CPNE9: variants seen among roughly 807,000 people sequenced by gnomAD.
The protein encoded by CPNE9 is copine-9.
Under a neutral mutation model 83.0 loss-of-function variants are expected in CPNE9, and 59 were observed. The ratio of observed to expected loss-of-function variants is 0.71; its 90% CI spans 0.58 to 0.88. The LOEUF (loss-of-function observed/expected upper bound fraction) is 0.88, where lower values mean the gene tolerates loss of function less well. CPNE9 is among the 40% of genes least tolerant of loss of function. The pLI is 0.00. For missense variants in CPNE9, 619 were observed against 720.8 expected, an observed-to-expected ratio of 0.86 and a Z score of 1.62; for synonymous variants, 256 against 273.4, an observed-to-expected ratio of 0.94 and a Z score of 0.63.
intron 7 of CPNE9, among the ~76,000 whole-genome samples, chr3:9,708,802 T>G (rs2076589710): frequency 6.6e-6 from 1 of 151,736 alleles, no homozygotes; most frequent in East Asian, 2.0e-4. Flanking sequence ...CCGGCTAATT[T>G]TTTTTGTATT....
At chr3:9,716,614 G>C (rs952505943) in intron 14 of CPNE9, among the ~76,000 whole-genome samples, 2 of 152,142 alleles carry the variant, frequency 1.3e-5, no homozygotes, top group African/African-American at 4.8e-5. Flanking sequence ...GGGATTACAG[G>C]CATGCGCCAC....
chr3:9,705,909 T>G, intron 6 of CPNE9, 78 bp from the exon 7 acceptor site: 1 of 1,505,474 alleles, frequency 6.6e-7, no homozygotes, highest in Admixed American at 1.7e-5. Context: ...CCTGGTCCTG[T>G]GCAGGAGCAT....
intron 17 of CPNE9, among the ~76,000 whole-genome samples, chr3:9,720,877 C>A (rs1480690537): frequency 1.3e-5 from 2 of 152,216 alleles, no homozygotes; most frequent in African/African-American, 4.8e-5. Flanking sequence ...GGTTCTATCA[C>A]TCACTAGCTG....
rs182637786 is a variant in CPNE9, at chr3:9,713,765, G to A, written c.650+686G>A. ...AGGCCAACCAAATGAATGAGTAAAT[G>A]GGTAGTATAAAGACAGATGGTAGGG... On this transcript the variant is annotated intron_variant, in intron 10 of 20. Coordinates refer to ENST00000383832, the MANE Select transcript of CPNE9 (RefSeq NM_153635.3). Among the ~76,000 whole-genome samples, 268 of 152,196 alleles carry A rather than the reference G, an allele frequency of 1.8e-3. 3 individuals carry two copies. Among genetic ancestry groups the A allele is most frequent in the Admixed American group, 9.4e-3 (143 of 15,276 alleles).
Position 9,718,060 on chromosome 3 carries a change from C to T in CPNE9, c.963C>T (p.Tyr321=). 6.2e-7 allele frequency: 1 copy of T among 1,613,854 alleles called. No homozygotes were observed. The highest frequency in any genetic ancestry group is 8.5e-7 in the Non-Finnish European group (1 of 1,179,838). Reference sequence around the variant, plus strand: ...CTCTGCAGCCTACCTCCCTGCACTACATGAGTCCCTACCAGCTCAGCGCCT... The same window carrying T: ...CTCTGCAGCCTACCTCCCTGCACTATATGAGTCCCTACCAGCTCAGCGCCT... ...GNPLQPTSLH[Y]MSPYQLSAYA... is the part of the protein sequence containing the mutation. The change falls in exon 16 of 21, where the codon TAC becomes TAT. Residue 321 remains tyrosine, a synonymous_variant. Transcript: ENST00000383832.
intron 19 of CPNE9, 38 bp from the exon 20 acceptor site, chr3:9,727,075 G>A (rs2076791023): frequency 6.2e-7 from 1 of 1,612,146 alleles, no homozygotes. Flanking sequence ...GGTGGGGCTG[G>A]AGAGGCCAAT....
chr3:9,721,876 A>T (rs968245884), intron 17 of CPNE9, among the ~76,000 whole-genome samples: 2 of 151,874 alleles, frequency 1.3e-5, no homozygotes, highest in Non-Finnish European at 2.9e-5. Flanking sequence ...AATGTCTCTA[A>T]GCTTCAGGTT....
At position 9,726,030 on chromosome 3, in the gene CPNE9, G is replaced by A; in HGVS notation, c.1323G>A (p.Gln441=). Reference sequence around the variant, plus strand: ...ATGGGGTCATCTCTGACATGACGCAGACCAAGGAGGCCATCGTCAGCGTGA... The same window carrying A: ...ATGGGGTCATCTCTGACATGACGCAAACCAAGGAGGCCATCGTCAGCGTGA... ...ITDGVISDMT[Q]TKEAIVSASS... is the part of the protein sequence containing the mutation. The change falls in exon 18 of 21, where the codon CAG becomes CAA. Residue 441 remains glutamine (Q), a synonymous_variant. Coordinates refer to ENST00000383832, the MANE Select transcript of CPNE9 (RefSeq NM_153635.3). 6.2e-7 allele frequency: 1 copy of A among 1,606,618 alleles called. No homozygotes were observed. Among genetic ancestry groups the A allele is most frequent in the East Asian group, 2.3e-5 (1 of 43,996 alleles).
chr3:9,712,986 G>T lies in CPNE9; in HGVS notation c.557G>T (p.Cys186Phe). The change falls in exon 10 of 21, where the codon TGC becomes TTC. Residue 186 changes from cysteine to phenylalanine, a missense_variant. Around this residue, in one of 3 missense-constraint regions of CPNE9, gnomAD observed 438 missense variants for 562.9 expected, o/e 0.78. Coordinates refer to ENST00000383832, the MANE Select transcript of CPNE9 (RefSeq NM_153635.3). Reference protein sequence around the residue: ...RSNEDGTFTICHKTEVVKNTL... With the variant: ...RSNEDGTFTIFHKTEVVKNTL... The stretch of plus-strand genomic sequence containing the variant: ...CCACTCCCCTCCAGGTTCACCATCT[G>T]CCACAAGACAGAGGTTGTGAAAAAC... 1 of 1,614,106 alleles carries T rather than the reference G, an allele frequency of 6.2e-7. No homozygotes were observed. The highest frequency in any genetic ancestry group is 8.5e-7 in the Non-Finnish European group (1 of 1,179,964).
At chr3:9,715,900 C>A in intron 13 of CPNE9, 74 bp from the exon 14 acceptor site, 1 of 1,065,566 alleles carries the variant, frequency 9.4e-7, no homozygotes, top group East Asian at 2.6e-5. Context: ...TTCCAAGCCC[C>A]TATGGGCCTC....
chr3:9,717,445 A>C (rs146044022), intron 15 of CPNE9, among the ~76,000 whole-genome samples: 146 of 152,268 alleles, frequency 9.6e-4, no homozygotes, highest in Admixed American at 3.3e-3. Context: ...TGAGTATAAT[A>C]GGTTAGACAA....
In CPNE9 at chr3:9,704,831, G is replaced by T. The variant is rs1368625001; in HGVS notation, c.156+36G>T. The T allele has an allele frequency of 1.9e-6, 3 of 1,599,822 alleles. No homozygotes were observed. The African/African-American group carries it at 4.0e-5, about 21-fold the overall frequency. On this transcript the variant is annotated intron_variant, in intron 3 of 20. Coordinates refer to ENST00000383832, the MANE Select transcript of CPNE9 (RefSeq NM_153635.3). The surrounding 1 kb of genome is among the most constrained non-coding windows in gnomAD (Gnocchi z 7.1). ...GAGCCCCCTCCCGGCCCAGGGCGTC[G>T]CCCGGGAATTCCCCTGCCCGTCTGC...
chr3:9,719,163 TA>T (rs1259338511), intron 17 of CPNE9, among the ~76,000 whole-genome samples: 4 of 151,938 alleles, frequency 2.6e-5, no homozygotes, highest in African/African-American at 7.3e-5. Flanking sequence ...ATATTTAAAT[TA>T]AAAAAATTAA....
In CPNE9 at chr3:9,712,457, C is replaced by T. The variant is rs574071593; in HGVS notation, c.378-84C>T. 5.3e-5 allele frequency: 58 copies of T among 1,088,870 alleles called. No homozygotes were observed. The East Asian group carries it at 1.3e-3, about 25-fold the overall frequency. The allele number at this position is 1,088,870 out of a possible 1,614,324, so 67.5% of individuals were successfully genotyped here. A position where few individuals can be genotyped will look rare whatever the true frequency, so the allele number is the denominator to read the frequency against. ...GTCAGTAAATGGCAAACTGAATCCCCTGGCCCACCTAACCCCAGACTGGCC... is the reference window on the plus strand; with the variant it reads ...GTCAGTAAATGGCAAACTGAATCCCTTGGCCCACCTAACCCCAGACTGGCC... On this transcript the variant is annotated intron_variant, in intron 7 of 20. Transcript: ENST00000383832.
chr3:9,725,460 G>C (rs1202912024), intron 17 of CPNE9, among the ~76,000 whole-genome samples: 1 of 151,330 alleles, frequency 6.6e-6, no homozygotes, highest in Non-Finnish European at 1.5e-5. Context: ...ACCTGAGCCC[G>C]GGAGGTGGAG....
intron 4 of CPNE9, 64 bp downstream of exon 4, chr3:9,705,058 C>G (rs1457652436): frequency 8.2e-7 from 1 of 1,215,110 alleles, no homozygotes; most frequent in Non-Finnish European, 1.2e-6. Context: ...GGAATTCTGG[C>G]TGGCCCCACC....
rs775644318 is a variant in CPNE9, at chr3:9,718,204, C to T, written c.1107C>T (p.Phe369=). ...CAGAGGGACGGATCTCCCACCAGTT[C>T]CCCCTGGTATGGTATTGGCCAGAGC... The part of the protein sequence containing the change: ...LPPEGRISHQ[F]PLNNNDEDPN... The change falls in exon 16 of 21, where the codon TTC becomes TTT. Residue 369 remains phenylalanine (F), a synonymous_variant. Coordinates refer to ENST00000383832, the MANE Select transcript of CPNE9 (RefSeq NM_153635.3). The T allele has an allele frequency of 3.1e-6, 5 of 1,610,402 alleles. No homozygotes were observed. The highest frequency in any genetic ancestry group is 3.3e-5 in the Admixed American group (2 of 59,706).
intron 10 of CPNE9, among the ~76,000 whole-genome samples, chr3:9,714,292 A>C (rs1178940847): frequency 1.3e-5 from 2 of 152,168 alleles, no homozygotes; most frequent in African/African-American, 4.8e-5. Context: ...AAAGAGATGA[A>C]CTGATAGGTA....
chr3:9,707,808 AC>A (rs2076579560), intron 7 of CPNE9, among the ~76,000 whole-genome samples: 1 of 150,692 alleles, frequency 6.6e-6, no homozygotes, highest in African/African-American at 2.4e-5. Flanking sequence ...AAAAAAAAAA[AC>A]GTGAAGGAGA....
Sources: allele counts gnomAD v4.1 joint callset (sites outside exome capture counted in the v4.1 genomes callset), GRCh38; gene constraint gnomAD v4.1.1; regional missense constraint gnomAD v4.1.1; non-coding constraint Gnocchi (gnomAD v3.1); transcripts MANE v1.5; gene names NCBI Gene and HGNC (gene_info 2026-07-23, HGNC 2026-07-21).